Variants in EYA4 observed in about 807,000 individuals in gnomAD.
The protein encoded by EYA4 is protein phosphatase EYA4.
Under a neutral mutation model 87.9 loss-of-function variants are expected in EYA4, and 31 were observed. That is an observed-to-expected ratio of 0.35 (90% CI 0.27 to 0.48). EYA4 has a LOEUF of 0.48. EYA4 is among the 20% of genes least tolerant of loss of function. The probability of loss-of-function intolerance (pLI) is 0.99; values close to 1 mark genes in which losing one functional copy is unlikely to be tolerated. For synonymous variants in EYA4, 263 were observed against 270.6 expected (o/e 0.97, Z 0.28); for missense variants, 678 against 761.4 (o/e 0.89, Z 1.29).
At chr6:133,426,819 G>T (rs1790712426) in intron 3 of EYA4, among the ~76,000 whole-genome samples, 1 of 152,102 alleles carries the variant, frequency 6.6e-6, no homozygotes, top group African/African-American at 2.4e-5. Flanking sequence ...TTTATGCCTT[G>T]CTAAAGTTGG....
chr6:133,275,266 A>G (rs1458883679), intron 2 of EYA4, among the ~76,000 whole-genome samples: 1 of 152,210 alleles, frequency 6.6e-6, no homozygotes, highest in African/African-American at 2.4e-5. Flanking sequence ...TCATTGCAGG[A>G]CCAAGAATGC....
At chr6:133,285,396 G>T (rs956023398) in intron 2 of EYA4, among the ~76,000 whole-genome samples, 6 of 152,156 alleles carry the variant, frequency 3.9e-5, no homozygotes, top group African/African-American at 1.4e-4. Context: ...CCGTGAGGTG[G>T]TAGCATGCAG....
At chr6:133,391,452 G>A (rs1214687684) in intron 3 of EYA4, among the ~76,000 whole-genome samples, 1 of 152,086 alleles carries the variant, frequency 6.6e-6, no homozygotes. Context: ...GGGAGACACA[G>A]ATTATCTCCC....
chr6:133,252,337 A>G (rs1172564503), intron 1 of EYA4, among the ~76,000 whole-genome samples: 1 of 152,266 alleles, frequency 6.6e-6, no homozygotes, highest in Non-Finnish European at 1.5e-5. Flanking sequence ...AATTATGTGT[A>G]GCTTTCAGTT....
At chr6:133,523,273 C>A in intron 18 of EYA4, 96 bp downstream of exon 18, 2 of 1,297,144 alleles carry the variant, frequency 1.5e-6, no homozygotes, top group Non-Finnish European at 2.2e-6. Flanking sequence ...GTACATGAAA[C>A]AAATTTGGAT....
chr6:133,272,962 G>A (rs966798520), intron 1 of EYA4, among the ~76,000 whole-genome samples: 2 of 151,874 alleles, frequency 1.3e-5, no homozygotes, highest in South Asian at 4.2e-4. Flanking sequence ...TTGGTAAGCA[G>A]AACTGGCACT....
intron 3 of EYA4, among the ~76,000 whole-genome samples, chr6:133,411,041 G>C (rs1789185349): frequency 6.7e-6 from 1 of 150,334 alleles, no homozygotes; most frequent in African/African-American, 2.5e-5. Flanking sequence ...AGAAGACAGA[G>C]GGGGCTATGT....
At chr6:133,336,391 T>C (rs1205655204) in intron 2 of EYA4, among the ~76,000 whole-genome samples, 1 of 152,102 alleles carries the variant, frequency 6.6e-6, no homozygotes, top group East Asian at 1.9e-4. Context: ...GTACCTAACC[T>C]TACAAAGGAA....
At chr6:133,379,068 C>T (rs1436682185) in intron 2 of EYA4, among the ~76,000 whole-genome samples, 3 of 151,842 alleles carry the variant, frequency 2.0e-5, no homozygotes, top group Non-Finnish European at 4.4e-5. Flanking sequence ...GCATGAAATT[C>T]TGACTCATTT....
chr6:133,384,823 A>G (rs908049621), intron 3 of EYA4, among the ~76,000 whole-genome samples: 5 of 152,248 alleles, frequency 3.3e-5, no homozygotes, highest in African/African-American at 4.8e-5. Flanking sequence ...AGCACTCGAC[A>G]CAAAAAGGAT....
chr6:133,346,823 C>T lies in EYA4; in HGVS notation c.34-35569C>T, dbSNP rs561863892. 2.1e-3 allele frequency among the ~76,000 whole-genome samples: 327 copies of T among 152,200 alleles called. 5 individuals carry two copies. Among genetic ancestry groups the T allele is most frequent in the Admixed American group, 2.6e-3 (40 of 15,270 alleles). The stretch of plus-strand genomic sequence containing the variant: ...AGTCTTAACCACACACCGTAAGGCA[C>T]CCAGAGTGTGAACTTTCCATATGAT... On this transcript the variant is annotated intron_variant, in intron 2 of 19. Coordinates refer to ENST00000355286, the MANE Select transcript of EYA4 (RefSeq NM_004100.5).
At chr6:133,377,244 A>C (rs1785770742) in intron 2 of EYA4, among the ~76,000 whole-genome samples, 2 of 152,066 alleles carry the variant, frequency 1.3e-5, no homozygotes, top group African/African-American at 4.8e-5. Context: ...TTTATTTAAC[A>C]CAGTATACCC....
rs533583873 is a variant in EYA4 at position 133,270,668 on chromosome 6, A to C, written c.-65-4048A>C. 2.0e-5 allele frequency among the ~76,000 whole-genome samples: 3 copies of C among 152,090 alleles called. No homozygotes were observed. In the South Asian group the frequency reaches 6.3e-4, roughly 32 times the overall value. ...TCCTTGTGGAGTGACCCAAACCTTC[A>C]TTCCTGGGGGATCTGGGCCATTTCT... On this transcript the variant is annotated intron_variant, in intron 1 of 19. Transcript: ENST00000355286.
intron 2 of EYA4, among the ~76,000 whole-genome samples, chr6:133,329,865 T>C (rs921940521): frequency 6.6e-6 from 1 of 152,074 alleles, no homozygotes; most frequent in Non-Finnish European, 1.5e-5. Context: ...TGACGTGATG[T>C]CAAATAATTC....
At chr6:133,362,623 A>G (rs1018570423) in intron 2 of EYA4, among the ~76,000 whole-genome samples, 9 of 152,182 alleles carry the variant, frequency 5.9e-5, no homozygotes, top group African/African-American at 1.4e-4. Context: ...CCACAGCCAG[A>G]AAGTGGTTAT....
At position 133,456,626 on chromosome 6, in the gene EYA4, G is replaced by T. The variant is rs373496105; in HGVS notation, c.348G>T (p.Ala116=). 1 of 1,612,992 alleles carries T rather than the reference G, an allele frequency of 6.2e-7. No individual in the cohort carries two copies. The highest frequency in any genetic ancestry group is 8.5e-7 in the Non-Finnish European group (1 of 1,179,194). ...SETTATTGDG[A]LDTFTGSVIT... ...CCACAGCCACGACTGGAGATGGAGC[G>T]CTTGACACTTTTACTGGGTCAGGTA... The change falls in exon 6 of 20, where the codon GCG becomes GCT. Residue 116 remains alanine, a synonymous_variant. Transcript: ENST00000355286.
chr6:133,442,239 A>G (rs1440761404), intron 3 of EYA4, among the ~76,000 whole-genome samples: 1 of 152,152 alleles, frequency 6.6e-6, no homozygotes, highest in Non-Finnish European at 1.5e-5. Flanking sequence ...AACATTATAT[A>G]CAATAAATCA....
chr6:133,422,794 C>T (rs1790329180), intron 3 of EYA4, among the ~76,000 whole-genome samples: 1 of 152,154 alleles, frequency 6.6e-6, no homozygotes, highest in Non-Finnish European at 1.5e-5. Flanking sequence ...GGCTTTGCTG[C>T]CTCCCTAGTC....
intron 13 of EYA4, among the ~76,000 whole-genome samples, chr6:133,485,949 A>G (rs1796647318): frequency 6.6e-6 from 1 of 152,228 alleles, no homozygotes; most frequent in Admixed American, 6.5e-5. Context: ...CTTTTGAGTC[A>G]GATAAACTTA....
Sources: gnomAD v4.1 joint callset for allele counts (sites outside exome capture counted in the v4.1 genomes callset) on GRCh38, gnomAD v4.1.1 for gene constraint, MANE v1.5 for transcripts, NCBI Gene and HGNC (gene_info 2026-07-23, HGNC 2026-07-21) for gene names.